Variants in ZNF710 observed in about 807,000 individuals in gnomAD.
The protein encoded by ZNF710 is zinc finger protein 710.
In ZNF710, 13 loss-of-function variants were observed where a neutral mutation model predicts 50.6. That is an observed-to-expected ratio of 0.26 (90% confidence interval 0.17 to 0.41). ZNF710 has a LOEUF of 0.41. Ranked by LOEUF, ZNF710 falls within the 10% of genes least tolerant of loss-of-function variation. The pLI is 1.00. For missense variants in ZNF710, 721 were observed against 936.6 expected, an observed-to-expected ratio of 0.77 and a Z score of 3.01; for synonymous variants, 383 against 397.0, an observed-to-expected ratio of 0.96 and a Z score of 0.42.
intron 1 of ZNF710, chr15:90,024,921 T>G (rs1011743485): frequency 6.6e-6 from 1 of 152,286 alleles, no homozygotes; most frequent in African/African-American, 2.4e-5. Context: ...CTGAATTCAC[T>G]TGGTCTCTGG....
At chr15:90,077,182 A>T (rs1003197850) in intron 4 of ZNF710, among the ~76,000 whole-genome samples, 1 of 151,292 alleles carries the variant, frequency 6.6e-6, no homozygotes, top group African/African-American at 2.4e-5. Flanking sequence ...CCATAGACTT[A>T]ATAAACAAAA....
chr15:90,053,101 G>A (rs890281839), intron 1 of ZNF710, among the ~76,000 whole-genome samples: 3 of 152,206 alleles, frequency 2.0e-5, no homozygotes, highest in African/African-American at 4.8e-5. Flanking sequence ...CAGACACATG[G>A]GTGGGAAAGC....
At chr15:90,024,494 G>T (rs1050559798) in intron 1 of ZNF710, among the ~76,000 whole-genome samples, 12 of 152,232 alleles carry the variant, frequency 7.9e-5, no homozygotes, top group African/African-American at 2.9e-4. Flanking sequence ...CAGAGAAAGA[G>T]AGGAGGAAGA....
intron 1 of ZNF710, among the ~76,000 whole-genome samples, chr15:90,002,944 GCTCACTGCAGC>G (rs1898051600): frequency 6.6e-6 from 1 of 152,128 alleles, no homozygotes; most frequent in South Asian, 2.1e-4. Flanking sequence ...CGCGATCTCG[GCTCACTGCAGC>G]CTCCGTCTCC....
Position 90,079,736 on chromosome 15 carries a change from C to T in ZNF710, c.1902C>T (p.Asn634=), listed in dbSNP as rs146299850. 2.2e-5 allele frequency: 36 copies of T among 1,613,746 alleles called. No homozygotes were observed. Among genetic ancestry groups the T allele is most frequent in the African/African-American group, 8.0e-5 (6 of 74,906 alleles). Residue 634 remains asparagine (N), a synonymous_variant, in exon 5 of 5, where the codon AAC becomes AAT. Transcript: ENST00000268154. Reference sequence around the variant, plus strand: ...AGGAGATGGAGGACTTCGAGGAGAACGCCTACAGCTATGCGAGCGTGGACA... The same window carrying T: ...AGGAGATGGAGGACTTCGAGGAGAATGCCTACAGCTATGCGAGCGTGGACA... ...GQQEMEDFEE[N]AYSYASVDSS...
At chr15:90,079,377 C>T (rs532226852) in intron 4 of ZNF710, among the ~76,000 whole-genome samples, 1 of 152,272 alleles carries the variant, frequency 6.6e-6, no homozygotes, top group South Asian at 2.1e-4. Context: ...AAGAATGACC[C>T]AAAGAAGGCT....
At chr15:90,042,298 C>G (rs971731935) in intron 1 of ZNF710, among the ~76,000 whole-genome samples, 1 of 152,060 alleles carries the variant, frequency 6.6e-6, no homozygotes, top group Non-Finnish European at 1.5e-5. Context: ...ACAGCCTTTT[C>G]CAGATAAAGA....
chr15:90,071,290 A>G (rs1196877437), intron 2 of ZNF710, among the ~76,000 whole-genome samples: 1 of 151,532 alleles, frequency 6.6e-6, no homozygotes, highest in Non-Finnish European at 1.5e-5. Context: ...CCAAGTCCAC[A>G]GAGTGTTAAT....
Position 90,073,431 on chromosome 15 carries a change from G to A in ZNF710, c.1650+169G>A, listed in dbSNP as rs765331205. 4.2e-4 allele frequency among the ~76,000 whole-genome samples: 64 copies of A among 152,240 alleles called. 1 individual carries two copies. The highest frequency in any genetic ancestry group is 2.3e-3 in the South Asian group (11 of 4,836). ...TTTGGGGGTTGGGAGGGCAGGCGGGGATTCACATCCTGAAAGCTGCTGAAG... is the reference window on the plus strand; with the variant it reads ...TTTGGGGGTTGGGAGGGCAGGCGGGAATTCACATCCTGAAAGCTGCTGAAG... On this transcript the variant is annotated intron_variant, in intron 3 of 4. Transcript: ENST00000268154.
At chr15:90,046,160 G>A (rs1294547255) in intron 1 of ZNF710, among the ~76,000 whole-genome samples, 1 of 152,210 alleles carries the variant, frequency 6.6e-6, no homozygotes, top group Non-Finnish European at 1.5e-5. Flanking sequence ...GGCTATGTGA[G>A]ATGAGGGCTC....
chr15:90,022,250 C>T (rs1236539867), intron 1 of ZNF710, among the ~76,000 whole-genome samples: 1 of 151,648 alleles, frequency 6.6e-6, no homozygotes, highest in Non-Finnish European at 1.5e-5. Flanking sequence ...GTGGTGCATG[C>T]CTGTAATCCC....
At chr15:90,009,388 C>G (rs905780238) in intron 1 of ZNF710, among the ~76,000 whole-genome samples, 1 of 152,068 alleles carries the variant, frequency 6.6e-6, no homozygotes, top group South Asian at 2.1e-4. Context: ...CCATCGCTTC[C>G]CATCGTGGCT....
chr15:90,011,094 C>A (rs1263905787), intron 1 of ZNF710, among the ~76,000 whole-genome samples: 1 of 152,182 alleles, frequency 6.6e-6, no homozygotes, highest in East Asian at 1.9e-4. Flanking sequence ...CCATGCCTGG[C>A]TAATCTTTGT....
chr15:90,069,365 G>A (rs112245005), intron 2 of ZNF710, among the ~76,000 whole-genome samples: 5,628 of 151,584 alleles, frequency 0.037, 272 homozygotes, highest in East Asian at 0.14. Flanking sequence ...CTGAAATCAC[G>A]ATACTGCACT....
chr15:90,029,118 T>TA (rs1898859625), intron 1 of ZNF710, among the ~76,000 whole-genome samples: 1 of 152,242 alleles, frequency 6.6e-6, no homozygotes, highest in Non-Finnish European at 1.5e-5. Context: ...TTATTGCTCT[T>TA]ACTTTTTCCC....
chr15:90,026,062 C>T (rs934360650), intron 1 of ZNF710: 2 of 151,270 alleles, frequency 1.3e-5, no homozygotes, highest in Non-Finnish European at 2.9e-5. Context: ...TAAAAACAGC[C>T]CCTAAGGAAA....
intron 2 of ZNF710, among the ~76,000 whole-genome samples, chr15:90,071,134 G>A (rs987460811): frequency 1.3e-5 from 2 of 151,866 alleles, no homozygotes; most frequent in African/African-American, 2.4e-5. Flanking sequence ...GGTGGTGGGC[G>A]CCTGTAGTCC....
chr15:90,047,903 G>A (rs546454862), intron 1 of ZNF710, among the ~76,000 whole-genome samples: 5 of 152,278 alleles, frequency 3.3e-5, no homozygotes, highest in African/African-American at 7.2e-5. Context: ...CTAAGGCTAC[G>A]CTTATGTATT....
At chr15:90,024,397 G>A (rs1005065649) in intron 1 of ZNF710, among the ~76,000 whole-genome samples, 2 of 152,222 alleles carry the variant, frequency 1.3e-5, no homozygotes, top group Non-Finnish European at 2.9e-5. Flanking sequence ...AGGGTCATTG[G>A]ATGCCAGTTG....
Sources: allele counts gnomAD v4.1 joint callset (sites outside exome capture counted in the v4.1 genomes callset), GRCh38; gene constraint gnomAD v4.1.1; transcripts MANE v1.5; gene names NCBI Gene and HGNC (gene_info 2026-07-23, HGNC 2026-07-21).